The following TCF4 variants were observed in gnomAD, a reference collection of about 807,000 sequenced individuals.
The protein encoded by TCF4 is transcription factor 4, also known as SL3-3 enhancer factor 2.
TCF4 carries 3 observed loss-of-function variants against 82.1 expected under a neutral mutation model. That is an observed-to-expected ratio of 0.04 (90% CI 0.02 to 0.09). TCF4 has a LOEUF of 0.09. Among genes scored for constraint, TCF4 ranks in the 10% least tolerant of loss-of-function variants. The pLI, the probability that TCF4 is intolerant of heterozygous loss-of-function variation, is 1.00. For missense variants in TCF4, 518 were observed against 852.7 expected (o/e 0.61, Z 4.89); for synonymous variants, 276 against 309.6 (o/e 0.89, Z 1.14).
intron 17 of TCF4, chr18:55,231,581 C>G (rs1208513347): frequency 1.3e-5 from 2 of 152,216 alleles, no homozygotes; most frequent in African/African-American, 4.8e-5. Context: ...AACACAGAAG[C>G]TGCTAAAGGT....
intron 3 of TCF4, among the ~76,000 whole-genome samples, chr18:55,465,179 A>C (rs1302936612): frequency 2.0e-5 from 3 of 152,242 alleles, no homozygotes; most frequent in Non-Finnish European, 4.4e-5. Flanking sequence ...TGTGAAACTA[A>C]GGTTCAGGAG....
intron 6 of TCF4, among the ~76,000 whole-genome samples, chr18:55,386,035 C>A (rs926938723): frequency 4.6e-5 from 7 of 152,140 alleles, no homozygotes; most frequent in African/African-American, 1.7e-4. Flanking sequence ...TGGAGTAGTG[C>A]CAGAACAGAG....
chr18:55,324,442 T>A (rs762260272), intron 8 of TCF4, among the ~76,000 whole-genome samples: 32 of 152,228 alleles, frequency 2.1e-4, no homozygotes, highest in Non-Finnish European at 4.4e-4. Flanking sequence ...TCATCCATGA[T>A]AAATTTTTAG....
At chr18:55,425,735 C>T (rs1304960298) in intron 5 of TCF4, among the ~76,000 whole-genome samples, 2 of 152,176 alleles carry the variant, frequency 1.3e-5, no homozygotes, top group Non-Finnish European at 2.9e-5. Flanking sequence ...CCTATTCTAG[C>T]TCAAGATCAA....
intron 3 of TCF4, among the ~76,000 whole-genome samples, chr18:55,548,799 G>C (rs1286812893): frequency 1.3e-5 from 2 of 152,032 alleles, no homozygotes; most frequent in Non-Finnish European, 2.9e-5. Flanking sequence ...CATACAAAAA[G>C]GTACATTTAA....
chr18:55,347,125 T>C (rs2081340854), intron 8 of TCF4, among the ~76,000 whole-genome samples: 1 of 152,126 alleles, frequency 6.6e-6, no homozygotes, highest in African/African-American at 2.4e-5. Context: ...CTCATGTAGA[T>C]TCAAGAGCTT....
rs1568465669 is a variant in TCF4 at position 55,586,158 on chromosome 18, GCAGCAGCAGCAGCAGCAGCAGC to G, written c.73-828_73-807del. On this transcript the variant is annotated intron_variant, in intron 2 of 19. Coordinates refer to ENST00000354452, the MANE Select transcript of TCF4 (RefSeq NM_001083962.2). Reference sequence around the variant, plus strand: ...AGAAGGAGGAGGAGGAGGAGGAGCAGCAGCAGCAGCAGCAGCAGCAGCAGCAGCAGCAGCAGCAGCAGCAGCA... The same window carrying G: ...AGAAGGAGGAGGAGGAGGAGGAGCAGAGCAGCAGCAGCAGCAGCAGCAGCA... The G allele has an allele frequency of 2.1e-3, 247 of 119,160 alleles. 10 individuals carry two copies. Among genetic ancestry groups the G allele is most frequent in the African/African-American group, 3.6e-3 (22 of 6,156 alleles). The allele number at this position is 119,160 out of a possible 1,614,324, so 7.4% of individuals were successfully genotyped here.
intron 17 of TCF4, 48 bp from the exon 18 acceptor site, chr18:55,229,124 G>A (rs1346847860): frequency 1.3e-6 from 2 of 1,596,808 alleles, no homozygotes; most frequent in African/African-American, 1.3e-5. Context: ...TGGGGAAAAA[G>A]AAGGTGTCTA....
chr18:55,335,762 C>T (rs1428579479), intron 8 of TCF4, among the ~76,000 whole-genome samples: 2 of 151,880 alleles, frequency 1.3e-5, no homozygotes, highest in Non-Finnish European at 2.9e-5. Context: ...TCAAATGACA[C>T]TTAGATTAAT....
At chr18:55,588,364 G>A, upstream of TCF4, 2 of 1,505,852 alleles carry the variant, frequency 1.3e-6, no homozygotes, top group Non-Finnish European at 1.8e-6. Context: ...TCCGGGTCGG[G>A]CAGGCTAGGA....
intron 10 of TCF4, 136 bp from the exon 11 acceptor site, chr18:55,270,099 T>C (rs2060028376): frequency 5.3e-6 from 6 of 1,137,394 alleles, no homozygotes; most frequent in South Asian, 5.2e-5. Flanking sequence ...CAAGAATATA[T>C]CTTGTTTAGA....
intron 3 of TCF4, among the ~76,000 whole-genome samples, chr18:55,542,646 GAAC>G (rs769168889): frequency 1.3e-5 from 2 of 151,812 alleles, no homozygotes; most frequent in African/African-American, 2.4e-5. Context: ...CCTACAGATA[GAAC>G]AATAGCCAAC....
chr18:55,238,665 C>T (rs777797135), intron 15 of TCF4, among the ~76,000 whole-genome samples: 125 of 152,156 alleles, frequency 8.2e-4, no homozygotes, highest in Non-Finnish European at 1.4e-3. Flanking sequence ...AACCGAATGC[C>T]ACTCCTCGCC....
intron 3 of TCF4, among the ~76,000 whole-genome samples, chr18:55,527,988 C>A (rs2097010250): frequency 6.6e-6 from 1 of 152,146 alleles, no homozygotes; most frequent in Non-Finnish European, 1.5e-5. Context: ...GATATTTGTA[C>A]CTACTTGAAG....
At chr18:55,474,252 T>C (rs1179769880) in intron 3 of TCF4, among the ~76,000 whole-genome samples, 19 of 152,222 alleles carry the variant, frequency 1.2e-4, no homozygotes, top group Non-Finnish European at 1.0e-4. Context: ...ATGTATTGCC[T>C]AAATTTACAG....
At chr18:55,234,425 T>C (rs776371208) in intron 16 of TCF4, 123 bp downstream of exon 16, 3 of 1,389,268 alleles carry the variant, frequency 2.2e-6, no homozygotes, top group Non-Finnish European at 3.0e-6. Context: ...ACCATTTTTG[T>C]GCCCAATTTG....
At chr18:55,488,146 C>G (rs1295716875) in intron 3 of TCF4, among the ~76,000 whole-genome samples, 1 of 152,176 alleles carries the variant, frequency 6.6e-6, no homozygotes, top group Non-Finnish European at 1.5e-5. Flanking sequence ...CTATGAGGTT[C>G]TATATTCAGT....
chr18:55,261,235 T>A, intron 12 of TCF4: 1 of 579,444 alleles, frequency 1.7e-6, no homozygotes, highest in East Asian at 3.0e-5. Flanking sequence ...TATTCCCACA[T>A]CCATAATTGA....
chr18:55,368,226 A>C (rs943372674), intron 6 of TCF4, among the ~76,000 whole-genome samples: 13 of 152,104 alleles, frequency 8.5e-5, no homozygotes, highest in Admixed American at 7.9e-4. Context: ...ACTCTACTAA[A>C]AATACAAAAA....
Sources: gnomAD v4.1 joint callset for allele counts (sites outside exome capture counted in the v4.1 genomes callset) on GRCh38, gnomAD v4.1.1 for gene constraint, MANE v1.5 for transcripts, NCBI Gene and HGNC (gene_info 2026-07-23, HGNC 2026-07-21) for gene names.